Variants in NLGN1 observed in about 807,000 individuals in gnomAD.
NLGN1 encodes the protein neuroligin-1.
Under a neutral mutation model 65.5 loss-of-function variants are expected in NLGN1, and 12 were observed. The ratio of observed to expected loss-of-function variants is 0.18; its 90% confidence interval spans 0.12 to 0.30. The LOEUF (loss-of-function observed/expected upper bound fraction) is 0.30, where lower values mean the gene tolerates loss of function less well. Ranked by LOEUF, NLGN1 falls within the 10% of genes least tolerant of loss-of-function variation. The pLI, the probability that NLGN1 is intolerant of heterozygous loss-of-function variation, is 1.00. For synonymous variants in NLGN1, 350 were observed against 359.5 expected (o/e 0.97, Z 0.30); for missense variants, 750 against 1,007.1 (o/e 0.74, Z 3.46).
chr3:173,598,073 C>T (rs761496117), intron 2 of NLGN1, among the ~76,000 whole-genome samples: 3 of 152,056 alleles, frequency 2.0e-5, no homozygotes, highest in African/African-American at 7.2e-5. Context: ...ATTTCTAGTA[C>T]TCCCTTTCGT....
chr3:174,076,679 T>TAGAGAGAGAGAGAGAGAGAGAGAGAGAG (rs3979619), intron 4 of NLGN1, among the ~76,000 whole-genome samples: 1 of 92,886 alleles, frequency 1.1e-5, no homozygotes, highest in African/African-American at 4.7e-5. Flanking sequence ...TCTGGGACCA[T>TAGAGAGAGAGAGAGAGAGAGAGAGAGAG]AGAGAGAGAG....
At position 173,863,139 on chromosome 3, in the gene NLGN1, A is replaced by G. The variant is rs1026647248; in HGVS notation, c.646+55307A>G. Among the ~76,000 whole-genome samples the G allele has an allele frequency of 2.6e-5, 4 of 152,142 alleles. No homozygotes were observed. The East Asian group carries it at 7.7e-4, about 29-fold the overall frequency. ...GCAATGTGAGCGATGGCTGATAAAA[A>G]AAAAAAAACTTTCTTCTATTTTATG... On this transcript the variant is annotated intron_variant, in intron 4 of 6. Coordinates refer to ENST00000457714, the Ensembl canonical transcript of NLGN1.
chr3:173,488,322 A>G (rs1728496745), intron 2 of NLGN1, among the ~76,000 whole-genome samples: 1 of 151,848 alleles, frequency 6.6e-6, no homozygotes, highest in Non-Finnish European at 1.5e-5. Context: ...CTCTTTGTTC[A>G]TATTCTTGGC....
chr3:174,080,111 T>C (rs1004192014), intron 4 of NLGN1, among the ~76,000 whole-genome samples: 2 of 152,212 alleles, frequency 1.3e-5, no homozygotes, highest in East Asian at 1.9e-4. Context: ...CATTTGATTC[T>C]TTTGGCCCTT....
intron 3 of NLGN1, among the ~76,000 whole-genome samples, chr3:173,623,071 C>G (rs372840131): frequency 1.3e-5 from 2 of 152,058 alleles, no homozygotes; most frequent in Non-Finnish European, 2.9e-5. Flanking sequence ...TATGAAACCA[C>G]AAAGAGCCAG....
chr3:174,225,585 T>C (rs1349455580), intron 4 of NLGN1, among the ~76,000 whole-genome samples: 1 of 151,968 alleles, frequency 6.6e-6, no homozygotes, highest in East Asian at 1.9e-4. Flanking sequence ...CAAAAAATTC[T>C]CTGGGCGTGG....
At chr3:173,429,077 A>G (rs1465332257) in intron 1 of NLGN1, among the ~76,000 whole-genome samples, 1 of 152,102 alleles carries the variant, frequency 6.6e-6, no homozygotes, top group Admixed American at 6.6e-5. Flanking sequence ...TTTTTTAAAT[A>G]AGTTTTCTAC....
intron 4 of NLGN1, among the ~76,000 whole-genome samples, chr3:173,914,536 T>TACAC (rs10576275): frequency 0.023 from 3,268 of 142,318 alleles, 103 homozygotes; most frequent in African/African-American, 0.076. Context: ...CATCTATACA[T>TACAC]ACACACACAC....
chr3:174,081,650 T>C lies in NLGN1; in HGVS notation c.647-193665T>C, dbSNP rs1002114977. ...GTTTCGCTCTTGTTGCCCAATGGCA[T>C]GATCTTGGCTCACCGGGTTCAAGCG... On this transcript the variant is annotated intron_variant, in intron 4 of 6. Coordinates refer to ENST00000457714, the Ensembl canonical transcript of NLGN1. Among the ~76,000 whole-genome samples, 3 of 149,950 alleles carry C rather than the reference T, an allele frequency of 2.0e-5. No homozygotes were observed. In the Admixed American group the frequency reaches 2.0e-4, roughly 10 times the overall value.
chr3:173,706,837 G>A (rs1339270443), intron 3 of NLGN1, among the ~76,000 whole-genome samples: 4 of 152,066 alleles, frequency 2.6e-5, no homozygotes, highest in South Asian at 2.1e-4. Flanking sequence ...GTGCACGCAC[G>A]CACACACACA....
intron 4 of NLGN1, among the ~76,000 whole-genome samples, chr3:173,972,778 G>C (rs946242870): frequency 2.0e-5 from 3 of 152,000 alleles, no homozygotes; most frequent in African/African-American, 4.8e-5. Flanking sequence ...CAGAGTAGTT[G>C]TTCTCAAAGT....
intron 4 of NLGN1, among the ~76,000 whole-genome samples, chr3:174,266,020 A>G (rs892844836): frequency 2.8e-5 from 4 of 142,114 alleles, no homozygotes; most frequent in African/African-American, 7.9e-5. Context: ...GTGCATATAT[A>G]TGTGTGTGTG....
At chr3:173,868,256 T>C (rs898510562) in intron 4 of NLGN1, among the ~76,000 whole-genome samples, 4 of 152,272 alleles carry the variant, frequency 2.6e-5, no homozygotes, top group East Asian at 1.9e-4. Flanking sequence ...TGAGCAGTTA[T>C]GGGAATTGGA....
chr3:173,765,606 T>C (rs1442805930), intron 3 of NLGN1, among the ~76,000 whole-genome samples: 1 of 152,184 alleles, frequency 6.6e-6, no homozygotes, highest in African/African-American at 2.4e-5. Context: ...TTATACACTC[T>C]CTTAAAGCCA....
Position 173,655,972 on chromosome 3 carries a change from C to T in NLGN1, c.493+50881C>T, listed in dbSNP as rs1179155348. Among the ~76,000 whole-genome samples, 4 of 152,150 alleles carry T rather than the reference C, an allele frequency of 2.6e-5. No homozygotes were observed. In the East Asian group the frequency reaches 5.8e-4, roughly 22 times the overall value. On this transcript the variant is annotated intron_variant, in intron 3 of 6. Coordinates refer to ENST00000457714, the Ensembl canonical transcript of NLGN1. ...GTACACTCCACAGAGTGGCAGTGGG[C>T]CCAAGCATAGGGGCTCAAGAGCCCT...
chr3:173,686,546 G>C (rs1764707011), intron 3 of NLGN1, among the ~76,000 whole-genome samples: 1 of 152,006 alleles, frequency 6.6e-6, no homozygotes, highest in African/African-American at 2.4e-5. Context: ...TAATTTTATT[G>C]TCATTACTAT....
At position 174,168,171 on chromosome 3, in the gene NLGN1, T is replaced by C. The variant is rs539045539; in HGVS notation, c.647-107144T>C. 2.0e-4 allele frequency among the ~76,000 whole-genome samples: 30 copies of C among 152,258 alleles called. No individual in the cohort carries two copies. In the South Asian group the frequency reaches 6.2e-3, roughly 32 times the overall value. On this transcript the variant is annotated intron_variant, in intron 4 of 6. Coordinates refer to ENST00000457714, the Ensembl canonical transcript of NLGN1. Reference sequence around the variant, plus strand: ...ATTTTCAACTTTGTCTTGGATCTCATTGAGCTTCCTTGCAGCCATTCTTTG... The same window carrying C: ...ATTTTCAACTTTGTCTTGGATCTCACTGAGCTTCCTTGCAGCCATTCTTTG...
In NLGN1 at chr3:173,495,101, A is replaced by G. The variant is rs572517900; in HGVS notation, c.-321+60023A>G. Among the ~76,000 whole-genome samples the G allele has an allele frequency of 5.3e-5, 8 of 151,962 alleles. No homozygotes were observed. The East Asian group carries it at 1.5e-3, about 29-fold the overall frequency. ...CTTTTGTAATTTGAGGATCATTACTATATTAACAGTGTTAAGTCTTTCAGT... is the reference window on the plus strand; with the variant it reads ...CTTTTGTAATTTGAGGATCATTACTGTATTAACAGTGTTAAGTCTTTCAGT... On this transcript the variant is annotated intron_variant, in intron 2 of 6. Coordinates refer to ENST00000457714, the Ensembl canonical transcript of NLGN1.
intron 5 of NLGN1, 31 bp from the exon 6 acceptor site, chr3:174,278,829 TC>T: frequency 6.9e-7 from 1 of 1,451,926 alleles, no homozygotes. Flanking sequence ...TACCCAAAGA[TC>T]ATCTAAAATT....
Sources: gnomAD v4.1 joint callset for allele counts (sites outside exome capture counted in the v4.1 genomes callset) on GRCh38, gnomAD v4.1.1 for gene constraint, MANE v1.5 for transcripts, NCBI Gene and HGNC (gene_info 2026-07-23, HGNC 2026-07-21) for gene names.